SDK1: variants seen among roughly 807,000 people sequenced by gnomAD.
The protein encoded by SDK1 is protein sidekick-1.
In SDK1, 157 loss-of-function variants were observed where a neutral mutation model predicts 245.5. The observed-to-expected ratio is 0.64, with a 90% confidence interval of 0.56 to 0.73. The LOEUF (loss-of-function observed/expected upper bound fraction) is 0.73, where lower values mean the gene tolerates loss of function less well. SDK1 is among the 30% of genes least tolerant of loss of function. The pLI is 0.00. For synonymous variants in SDK1, 1,647 were observed against 1,278.5 expected, an observed-to-expected ratio of 1.29 and a Z score of -6.15; for missense variants, 3,583 against 3,002.3, an observed-to-expected ratio of 1.19 and a Z score of -4.52.
intron 4 of SDK1, among the ~76,000 whole-genome samples, chr7:3,689,991 T>G (rs1784400673): frequency 6.6e-6 from 1 of 152,252 alleles, no homozygotes; most frequent in Admixed American, 6.5e-5. Context: ...TGTATTTGAG[T>G]TGTTAAGCTA....
chr7:4,233,123 C>A, intron 40 of SDK1, 132 bp from the exon 41 acceptor site: 1 of 755,718 alleles, frequency 1.3e-6, no homozygotes, highest in Non-Finnish European at 2.2e-6. Flanking sequence ...ATTCAGCACT[C>A]ACTCCGCATC....
chr7:3,953,781 G>C lies in SDK1; in HGVS notation c.1150+1861G>C, dbSNP rs142402450. 5.1e-3 allele frequency among the ~76,000 whole-genome samples: 773 copies of C among 152,216 alleles called. 8 individuals carry two copies. Among genetic ancestry groups the C allele is most frequent in the African/African-American group, 0.017 (694 of 41,520 alleles). ...TCGAGTTAGCACCTCTCCGTGTTCT[G>C]ACTTTTAAAGGTACACAAACACACT... On this transcript the variant is annotated intron_variant, in intron 7 of 44. Coordinates refer to ENST00000404826, the MANE Select transcript of SDK1 (RefSeq NM_152744.4).
At chr7:4,157,427 A>AGG (rs1554368186) in intron 30 of SDK1, among the ~76,000 whole-genome samples, 1 of 109,078 alleles carries the variant, frequency 9.2e-6, no homozygotes, top group Non-Finnish European at 1.8e-5. Flanking sequence ...GGAGGGAAGG[A>AGG]AGGCAAGAGA....
Position 3,997,448 on chromosome 7 carries a change from C to A in SDK1, c.2131+10126C>A, listed in dbSNP as rs561460955. ...CACCTCTGCTGGCAGCTCATCCCGA[C>A]AAGTGTTCAGCTGTCAGCAGAGAGA... is the stretch of plus-strand genomic sequence containing the variant. On this transcript the variant is annotated intron_variant, in intron 14 of 44. Transcript: ENST00000404826. 6.9e-4 allele frequency among the ~76,000 whole-genome samples: 105 copies of A among 152,132 alleles called. 1 individual carries two copies. The highest frequency in any genetic ancestry group is 2.5e-3 in the African/African-American group (102 of 41,492).
chr7:3,576,565 G>T (rs538797166), intron 1 of SDK1, among the ~76,000 whole-genome samples: 2 of 152,170 alleles, frequency 1.3e-5, no homozygotes, highest in South Asian at 4.1e-4. Context: ...GGATTTTTTG[G>T]TTGTACTTTA....
chr7:3,660,980 A>AT (rs141119728), intron 4 of SDK1, among the ~76,000 whole-genome samples: 1 of 152,312 alleles, frequency 6.6e-6, no homozygotes, highest in Non-Finnish European at 1.5e-5. Context: ...AATTTTGAGA[A>AT]TTACCTCTGC....
intron 14 of SDK1, among the ~76,000 whole-genome samples, chr7:3,988,799 T>G (rs1784067487): frequency 6.6e-6 from 1 of 152,084 alleles, no homozygotes; most frequent in South Asian, 2.1e-4. Context: ...TGAGATGGAG[T>G]CTTGCTCTGT....
chr7:3,316,824 C>T (rs1481651272), intron 1 of SDK1, among the ~76,000 whole-genome samples: 2 of 152,064 alleles, frequency 1.3e-5, no homozygotes, highest in African/African-American at 4.8e-5. Flanking sequence ...TTGTATCCCC[C>T]TTTTTTGCTT....
chr7:3,456,841 A>G (rs1178171389), intron 1 of SDK1, among the ~76,000 whole-genome samples: 2 of 152,078 alleles, frequency 1.3e-5, no homozygotes, highest in Non-Finnish European at 2.9e-5. Context: ...CTGTTATTTT[A>G]GCTGACAGCC....
intron 1 of SDK1, among the ~76,000 whole-genome samples, chr7:3,469,315 C>G (rs937753870): frequency 6.6e-6 from 1 of 152,060 alleles, no homozygotes; most frequent in Non-Finnish European, 1.5e-5. Flanking sequence ...CTTGTCGTCC[C>G]AGATACTTGG....
Position 3,667,719 on chromosome 7 carries a change from CTTGT to C in SDK1, c.713+25617_713+25620del, listed in dbSNP as rs539006727. Among the ~76,000 whole-genome samples, 27 of 152,278 alleles carry C rather than the reference CTTGT, an allele frequency of 1.8e-4. No homozygotes were observed. In the East Asian group the frequency reaches 5.2e-3, roughly 29 times the overall value. On this transcript the variant is annotated intron_variant, in intron 4 of 44. Coordinates refer to ENST00000404826, the MANE Select transcript of SDK1 (RefSeq NM_152744.4). Reference sequence around the variant, plus strand: ...TAAAGTATTTAGCCTTTGAATCTGGCTTGTTTCAGTTCTCGTAATGCATCTGGTA... The same window carrying C: ...TAAAGTATTTAGCCTTTGAATCTGGCTTCAGTTCTCGTAATGCATCTGGTA...
rs143871538 is a variant in SDK1, at chr7:4,210,152, C to T, written c.5529C>T (p.Ala1843=). 137 of 1,576,700 alleles carry T rather than the reference C, an allele frequency of 8.7e-5. No individual in the cohort carries two copies. The highest frequency in any genetic ancestry group is 4.6e-4 in the Admixed American group (24 of 52,164). Residue 1843 remains alanine, a synonymous_variant, in exon 38 of 45, where the codon GCC becomes GCT. Coordinates refer to ENST00000404826, the MANE Select transcript of SDK1 (RefSeq NM_152744.4). ...QGYRVVYEPL[A]PVQGVSKVVT... is the part of the protein sequence containing the mutation. Reference sequence around the variant, plus strand: ...ATCGGGTGGTGTACGAGCCCTTGGCCCCTGTACAAGGTAAGACCCGGGGTT... The same window carrying T: ...ATCGGGTGGTGTACGAGCCCTTGGCTCCTGTACAAGGTAAGACCCGGGGTT...
At chr7:3,688,798 G>A (rs1020435560) in intron 4 of SDK1, among the ~76,000 whole-genome samples, 7 of 152,150 alleles carry the variant, frequency 4.6e-5, no homozygotes, top group Non-Finnish European at 1.0e-4. Context: ...CCTCAGTTTG[G>A]ATCCTGCCTC....
intron 38 of SDK1, among the ~76,000 whole-genome samples, chr7:4,214,044 G>A (rs556688474): frequency 6.6e-6 from 1 of 152,254 alleles, no homozygotes; most frequent in South Asian, 2.1e-4. Context: ...CTACCTTGTG[G>A]CTGCAGCTTT....
At chr7:3,863,441 C>A (rs1415398640) in intron 5 of SDK1, among the ~76,000 whole-genome samples, 2 of 152,178 alleles carry the variant, frequency 1.3e-5, no homozygotes, top group African/African-American at 4.8e-5. Flanking sequence ...ATAAATGTTA[C>A]CATTTTAACT....
chr7:3,784,550 G>A (rs1780842762), intron 4 of SDK1, among the ~76,000 whole-genome samples: 3 of 151,930 alleles, frequency 2.0e-5, no homozygotes, highest in Non-Finnish European at 2.9e-5. Context: ...AATGGACAAG[G>A]GACTGGAATA....
chr7:3,749,565 C>G (rs1486522505), intron 4 of SDK1, among the ~76,000 whole-genome samples: 1 of 152,184 alleles, frequency 6.6e-6, no homozygotes, highest in Non-Finnish European at 1.5e-5. Context: ...TCCCAAAGTG[C>G]TGGGATTAGA....
intron 14 of SDK1, among the ~76,000 whole-genome samples, chr7:3,988,132 GTTTTTT>G (rs71032919): frequency 1.2e-5 from 1 of 85,420 alleles, no homozygotes; most frequent in Non-Finnish European, 2.2e-5. Flanking sequence ...TCTTTTTAAT[GTTTTTT>G]TTTTTTTTTT....
At chr7:4,081,524 A>AT (rs1478356761) in intron 22 of SDK1, among the ~76,000 whole-genome samples, 6 of 122,234 alleles carry the variant, frequency 4.9e-5, no homozygotes, top group Non-Finnish European at 7.9e-5. Context: ...GGTTCAAGTG[A>AT]TTCCCCCTGC....
Sources: gnomAD v4.1 joint callset for allele counts (sites outside exome capture counted in the v4.1 genomes callset) on GRCh38, gnomAD v4.1.1 for gene constraint, MANE v1.5 for transcripts, NCBI Gene and HGNC (gene_info 2026-07-23, HGNC 2026-07-21) for gene names.